TACC2: variants seen among roughly 807,000 people sequenced by gnomAD.
TACC2 encodes the protein transforming acidic coiled-coil containing protein 2.
A neutral mutation model predicts 227.3 loss-of-function variants in TACC2; 137 were observed. The ratio of observed to expected loss-of-function variants is 0.60; its 90% CI spans 0.52 to 0.69. The LOEUF (loss-of-function observed/expected upper bound fraction) is 0.69, where lower values mean the gene tolerates loss of function less well. TACC2 is among the 30% of genes least tolerant of loss of function. The pLI is 0.00. For synonymous variants in TACC2, 1,523 were observed against 1,487.5 expected, an observed-to-expected ratio of 1.02 and a Z score of -0.55; for missense variants, 3,470 against 3,694.4, an observed-to-expected ratio of 0.94 and a Z score of 1.57.
intron 7 of TACC2, among the ~76,000 whole-genome samples, chr10:122,190,572 G>A (rs2094376796): frequency 6.6e-6 from 1 of 152,116 alleles, no homozygotes; most frequent in South Asian, 2.1e-4. Context: ...TGTGCTATTG[G>A]ATACCATTAG....
chr10:122,170,834 G>A (rs1041277171), intron 7 of TACC2, among the ~76,000 whole-genome samples: 9 of 152,094 alleles, frequency 5.9e-5, no homozygotes, highest in African/African-American at 1.7e-4. Flanking sequence ...ACACAACACC[G>A]TCCAGCCTCA....
chr10:122,030,472 G>A (rs144609809), intron 2 of TACC2, among the ~76,000 whole-genome samples: 7 of 152,262 alleles, frequency 4.6e-5, no homozygotes, highest in South Asian at 2.1e-4. Flanking sequence ...CCTTGCAGGC[G>A]ACGGATGTTC....
chr10:122,071,199 T>C (rs1348848530), intron 3 of TACC2, among the ~76,000 whole-genome samples: 3 of 152,198 alleles, frequency 2.0e-5, no homozygotes, highest in Non-Finnish European at 4.4e-5. Flanking sequence ...TCTAATGGGA[T>C]AGTAGTTTTA....
intron 3 of TACC2, among the ~76,000 whole-genome samples, chr10:122,076,541 C>T (rs1394612204): frequency 6.6e-6 from 1 of 152,100 alleles, no homozygotes; most frequent in Non-Finnish European, 1.5e-5. Flanking sequence ...ATCTTCTAAT[C>T]TTTTGAATTA....
chr10:122,108,799 T>C (rs2083248175), intron 5 of TACC2, among the ~76,000 whole-genome samples: 1 of 151,786 alleles, frequency 6.6e-6, no homozygotes, highest in Non-Finnish European at 1.5e-5. Context: ...AATGGTGCGA[T>C]CCCGGCTCAC....
chr10:122,153,414 G>A (rs1206538311), intron 7 of TACC2, among the ~76,000 whole-genome samples: 1 of 152,220 alleles, frequency 6.6e-6, no homozygotes, highest in Non-Finnish European at 1.5e-5. Context: ...GAGGCCCCAA[G>A]CTCTGAGGCC....
chr10:122,023,794 TA>T (rs151010669), intron 2 of TACC2: 67,453 of 131,632 alleles, frequency 0.51, 16,658 homozygotes, highest in Admixed American at 0.6. Flanking sequence ...AAAGTATAAT[TA>T]AAAAAAAAAA....
At chr10:122,111,656 A>ATTTTTT (rs370548871) in intron 5 of TACC2, among the ~76,000 whole-genome samples, 2 of 147,526 alleles carry the variant, frequency 1.4e-5, no homozygotes, top group Non-Finnish European at 3.0e-5. Flanking sequence ...ATGCCCAGCT[A>ATTTTTT]TTTTTTTTTT....
chr10:122,008,410 G>A (rs1384276538), intron 1 of TACC2, among the ~76,000 whole-genome samples: 2 of 151,532 alleles, frequency 1.3e-5, no homozygotes, highest in Admixed American at 1.3e-4. Flanking sequence ...ACAGGCATGT[G>A]CCACCAGGCC....
Position 121,999,281 on chromosome 10 carries a change from T to C in TACC2, c.-46+9793T>C, listed in dbSNP as rs151069416. ...CCATTTCTAAGTGGGACAAAGATTTTCATTTTGAGGAGACATAATTTTGCA... is the reference window on the plus strand; with the variant it reads ...CCATTTCTAAGTGGGACAAAGATTTCCATTTTGAGGAGACATAATTTTGCA... On this transcript the variant is annotated intron_variant, in intron 1 of 22. Transcript: ENST00000369005. 2.8e-3 allele frequency among the ~76,000 whole-genome samples: 433 copies of C among 152,296 alleles called. 5 individuals are homozygous for C. The highest frequency in any genetic ancestry group is 9.5e-3 in the African/African-American group (394 of 41,562).
intron 3 of TACC2, among the ~76,000 whole-genome samples, chr10:122,067,143 T>C (rs555524636): frequency 6.6e-6 from 1 of 152,366 alleles, no homozygotes; most frequent in South Asian, 2.1e-4. Flanking sequence ...TTCTTTATTC[T>C]GTTGTGTAGA....
At chr10:122,091,826 C>T (rs191923493) in intron 5 of TACC2, among the ~76,000 whole-genome samples, 8 of 152,228 alleles carry the variant, frequency 5.3e-5, no homozygotes, top group Admixed American at 2.0e-4. Context: ...GACCAGACTT[C>T]GGTGAACACT....
At chr10:122,117,573 G>A (rs967792745) in intron 5 of TACC2, among the ~76,000 whole-genome samples, 9 of 152,126 alleles carry the variant, frequency 5.9e-5, no homozygotes, top group Non-Finnish European at 5.9e-5. Context: ...GCTCTTGTTA[G>A]GTCTGCTGAC....
chr10:122,173,318 T>A (rs1487199390), intron 7 of TACC2, among the ~76,000 whole-genome samples: 1 of 152,186 alleles, frequency 6.6e-6, no homozygotes, highest in Non-Finnish European at 1.5e-5. Context: ...ACATACTGGC[T>A]TCCAGCTGCT....
chr10:122,148,452 G>A (rs1232981909), intron 7 of TACC2, among the ~76,000 whole-genome samples: 1 of 152,224 alleles, frequency 6.6e-6, no homozygotes, highest in Non-Finnish European at 1.5e-5. Context: ...TTGGAAATAC[G>A]TCTTCCATGG....
At chr10:122,107,322 G>A (rs2082928319) in intron 5 of TACC2, among the ~76,000 whole-genome samples, 1 of 151,888 alleles carries the variant, frequency 6.6e-6, no homozygotes, top group Admixed American at 6.6e-5. Flanking sequence ...ATCACTTGAG[G>A]TCACACGTCT....
intron 7 of TACC2, among the ~76,000 whole-genome samples, chr10:122,188,637 T>G (rs1344712485): frequency 1.3e-5 from 2 of 152,200 alleles, no homozygotes; most frequent in East Asian, 3.9e-4. Flanking sequence ...TGCAACTGTA[T>G]TCAATTAACA....
At chr10:122,121,532 T>G (rs113382763) in intron 5 of TACC2, among the ~76,000 whole-genome samples, 1 of 152,330 alleles carries the variant, frequency 6.6e-6, no homozygotes, top group African/African-American at 2.4e-5. Context: ...GAATGGCATT[T>G]TATTTCTTCA....
chr10:122,058,901 T>C (rs1292889442), intron 3 of TACC2, among the ~76,000 whole-genome samples: 1 of 151,120 alleles, frequency 6.6e-6, no homozygotes, highest in African/African-American at 2.4e-5. Context: ...TGTGTTTTTT[T>C]TTTTTTTTGA....
Sources: gnomAD v4.1 joint callset for allele counts (sites outside exome capture counted in the v4.1 genomes callset) on GRCh38, gnomAD v4.1.1 for gene constraint, MANE v1.5 for transcripts, NCBI Gene and HGNC (gene_info 2026-07-23, HGNC 2026-07-21) for gene names.